The following AOX1 variants were observed in gnomAD, a reference collection of about 807,000 sequenced individuals.
AOX1 encodes the protein aldehyde oxidase 1.
A neutral mutation model predicts 169.5 loss-of-function variants in AOX1; 153 were observed. The ratio of observed to expected loss-of-function variants is 0.90; its 90% CI spans 0.79 to 1.03. The LOEUF (loss-of-function observed/expected upper bound fraction) is 1.03, where lower values mean the gene tolerates loss of function less well. AOX1 is among the 50% of genes least tolerant of loss of function. AOX1 has a pLI of 0.00. For missense variants in AOX1, 1,656 were observed against 1,663.9 expected (o/e 1.00, Z 0.08); for synonymous variants, 562 against 581.9 (o/e 0.97, Z 0.49).
At chr2:200,663,000 G>A in intron 31 of AOX1, 31 bp downstream of exon 31, 2 of 1,568,836 alleles carry the variant, frequency 1.3e-6, no homozygotes, top group Non-Finnish European at 1.8e-6. Flanking sequence ...TCTTCAAGTT[G>A]CACTTAGGAT....
At chr2:200,661,705 A>G (rs2035832610) in intron 30 of AOX1, 74 bp downstream of exon 30, 1 of 1,231,040 alleles carries the variant, frequency 8.1e-7, no homozygotes, top group Non-Finnish European at 1.2e-6. Context: ...GTTCCCTTGC[A>G]ATTTTGGCAA....
In AOX1 at chr2:200,604,684, CT is replaced by C; in HGVS notation, c.670-7del. ...CATTGGGTACCTTGAATCCCTATTG[CT>C]TTTTCAATAGATAATGGCTGAGAAA... On this transcript the variant is annotated splice_polypyrimidine_tract_variant and intron_variant, in intron 8 of 34. Coordinates refer to ENST00000374700, the MANE Select transcript of AOX1 (RefSeq NM_001159.4). 6.2e-7 allele frequency: 1 copy of C among 1,613,796 alleles called. No homozygotes were observed. The highest frequency in any genetic ancestry group is 8.5e-7 in the Non-Finnish European group (1 of 1,179,850).
chr2:200,658,996 A>G (rs944172992), intron 27 of AOX1, among the ~76,000 whole-genome samples, 169 bp from the exon 28 acceptor site: 13 of 152,214 alleles, frequency 8.5e-5, no homozygotes, highest in Non-Finnish European at 7.3e-5. Flanking sequence ...CAGACTAGCT[A>G]TAGGATTTTT....
intron 34 of AOX1, 104 bp downstream of exon 34, chr2:200,669,846 G>A (rs183804374): frequency 1.6e-6 from 2 of 1,256,864 alleles, no homozygotes; most frequent in East Asian, 2.4e-5. Flanking sequence ...GGCTTTTCTT[G>A]CCAGAAAAGG....
intron 10 of AOX1, among the ~76,000 whole-genome samples, chr2:200,605,921 G>A (rs545562278): frequency 9.9e-5 from 15 of 152,050 alleles, no homozygotes; most frequent in Middle Eastern, 3.4e-3. Context: ...AACTTTTCTC[G>A]CATTCTGTAG....
At chr2:200,648,532 G>C (rs951341212) in intron 25 of AOX1, among the ~76,000 whole-genome samples, 2 of 152,200 alleles carry the variant, frequency 1.3e-5, no homozygotes, top group Non-Finnish European at 2.9e-5. Context: ...CCTTAGCTTT[G>C]GTGGTTTATG....
At chr2:200,612,117 T>C (rs1559237589) in intron 13 of AOX1, among the ~76,000 whole-genome samples, 1 of 152,184 alleles carries the variant, frequency 6.6e-6, no homozygotes, top group Non-Finnish European at 1.5e-5. Flanking sequence ...AGAGTATGCC[T>C]CTACCTATAT....
chr2:200,631,646 G>A (rs962204770), intron 20 of AOX1, among the ~76,000 whole-genome samples: 7 of 152,170 alleles, frequency 4.6e-5, no homozygotes, highest in Non-Finnish European at 7.3e-5. Flanking sequence ...TGAAGAGGGG[G>A]CACTACGGGT....
intron 16 of AOX1, among the ~76,000 whole-genome samples, chr2:200,617,641 G>A (rs1368701557): frequency 6.7e-6 from 1 of 149,610 alleles, no homozygotes; most frequent in Non-Finnish European, 1.5e-5. Flanking sequence ...ACAGTGAAAT[G>A]TGTTATGTCA....
chr2:200,676,979 G>A (rs577335009), exon 5 of AOX1: 2 of 468,190 alleles, frequency 4.3e-6, no homozygotes, highest in South Asian at 1.6e-5. Flanking sequence ...ACATTCCAAG[G>A]CGTCAGATGA....
intron 25 of AOX1, 64 bp downstream of exon 25, chr2:200,642,865 G>A (rs2035381142): frequency 1.3e-6 from 2 of 1,492,138 alleles, no homozygotes; most frequent in Admixed American, 2.1e-5. Flanking sequence ...GGCCTTTGGG[G>A]GCCATTCAGG....
chr2:200,650,409 C>T (rs1419622756), intron 25 of AOX1, among the ~76,000 whole-genome samples: 1 of 152,182 alleles, frequency 6.6e-6, no homozygotes, highest in Non-Finnish European at 1.5e-5. Context: ...GAGAATGTGA[C>T]ATACTTGGCA....
chr2:200,591,012 G>A (rs1163848011), intron 1 of AOX1, among the ~76,000 whole-genome samples: 1 of 152,186 alleles, frequency 6.6e-6, no homozygotes, highest in African/African-American at 2.4e-5. Flanking sequence ...TACAGTTTCT[G>A]CCACCAATAA....
At chr2:200,662,003 A>G (rs186782989) in intron 30 of AOX1, among the ~76,000 whole-genome samples, 1 of 152,356 alleles carries the variant, frequency 6.6e-6, no homozygotes, top group Non-Finnish European at 1.5e-5. Flanking sequence ...AATTAAACCC[A>G]TAAGATGGGT....
chr2:200,661,167 G>A (rs1431041815), intron 29 of AOX1, among the ~76,000 whole-genome samples: 1 of 152,162 alleles, frequency 6.6e-6, no homozygotes, highest in Non-Finnish European at 1.5e-5. Context: ...AGGATTGACA[G>A]TTCCCATAAA....
At position 200,668,695 on chromosome 2, in the gene AOX1, T is replaced by C. The variant is rs2035971136; in HGVS notation, c.3690T>C (p.Thr1230=). 3 of 1,614,180 alleles carry C rather than the reference T, an allele frequency of 1.9e-6. No individual in the cohort carries two copies. The highest frequency in any genetic ancestry group is 1.3e-5 in the African/African-American group (1 of 75,048). ...LNYSPQGILH[T]RGPDQYKIPA... ...ATTCTCCCCAGGGCATTCTGCACACTCGTGGTCCAGACCAATATAAAATCC... is the reference window on the plus strand; with the variant it reads ...ATTCTCCCCAGGGCATTCTGCACACCCGTGGTCCAGACCAATATAAAATCC... The change falls in exon 33 of 35, where the codon ACT becomes ACC. Residue 1230 remains threonine (T), a synonymous_variant. Transcript: ENST00000374700.
intron 16 of AOX1, among the ~76,000 whole-genome samples, chr2:200,619,931 A>G (rs1278557153): frequency 6.6e-6 from 1 of 152,210 alleles, no homozygotes; most frequent in Non-Finnish European, 1.5e-5. Context: ...GTAAAATATT[A>G]TATGTATCGT....
chr2:200,642,781 TG>T lies in AOX1; in HGVS notation c.2828del (p.Cys943LeufsTer11), dbSNP rs2035377587. On this transcript the variant is annotated frameshift_variant, in exon 25 of 35. Transcript: ENST00000374700. LOFTEE classifies it high-confidence loss of function. Reference sequence around the variant, plus strand: ...TTGTATCACGGAAGTTGCAGCCAAATGTGGACTATCCCCTGAGAAGGTAATA... The same window carrying T: ...TTGTATCACGGAAGTTGCAGCCAAATTGGACTATCCCCTGAGAAGGTAATA... The part of the protein sequence containing the change: ...ESCITEVAAK[C>X]GLSPEKVRII... 6.2e-7 allele frequency: 1 copy of T among 1,613,596 alleles called. No individual in the cohort carries two copies. Among genetic ancestry groups the T allele is most frequent in the Non-Finnish European group, 8.5e-7 (1 of 1,179,854 alleles).
At position 200,624,013 on chromosome 2, in the gene AOX1, G is replaced by A. The variant is rs759704848; in HGVS notation, c.2124+30G>A. The stretch of plus-strand genomic sequence containing the variant: ...TGAGTTCTGTGGAATGGTGGTGCCA[G>A]TTGGGAGCCAGAACAAATATCAGTT... On this transcript the variant is annotated intron_variant, in intron 19 of 34. Coordinates refer to ENST00000374700, the MANE Select transcript of AOX1 (RefSeq NM_001159.4). The A allele has an allele frequency of 3.1e-6, 5 of 1,610,240 alleles. No homozygotes were observed. In the East Asian group the frequency reaches 8.9e-5, roughly 29 times the overall value.
Sources: allele counts gnomAD v4.1 joint callset (sites outside exome capture counted in the v4.1 genomes callset), GRCh38; gene constraint gnomAD v4.1.1; transcripts MANE v1.5; gene names NCBI Gene and HGNC (gene_info 2026-07-23, HGNC 2026-07-21).